Variants in TAF4B observed in about 807,000 individuals in gnomAD.
TAF4B encodes the protein TATA-box binding protein associated factor 4b.
In TAF4B, 38 loss-of-function variants were observed where a neutral mutation model predicts 86.4. That is an observed-to-expected ratio of 0.44 (90% confidence interval 0.34 to 0.58). The LOEUF (loss-of-function observed/expected upper bound fraction) is 0.58, where lower values mean the gene tolerates loss of function less well. Ranked by LOEUF, TAF4B falls within the 20% of genes least tolerant of loss-of-function variation. The pLI, the probability that TAF4B is intolerant of heterozygous loss-of-function variation, is 0.02. For synonymous variants in TAF4B, 388 were observed against 391.2 expected, an observed-to-expected ratio of 0.99 and a Z score of 0.10; for missense variants, 988 against 1,027.6, an observed-to-expected ratio of 0.96 and a Z score of 0.53.
chr18:26,378,836 T>G (rs2057459796), intron 14 of TAF4B, among the ~76,000 whole-genome samples: 1 of 152,194 alleles, frequency 6.6e-6, no homozygotes, highest in South Asian at 2.1e-4. Flanking sequence ...ATTTCACTCA[T>G]AATGTTTTTG....
chr18:26,292,658 G>A (rs1281006276), intron 8 of TAF4B, among the ~76,000 whole-genome samples: 1 of 152,134 alleles, frequency 6.6e-6, no homozygotes, highest in Non-Finnish European at 1.5e-5. Flanking sequence ...GAGTAGCTGG[G>A]ATTACAGGCG....
chr18:26,353,344 A>T (rs2057260032), intron 13 of TAF4B, among the ~76,000 whole-genome samples: 1 of 152,234 alleles, frequency 6.6e-6, no homozygotes. Flanking sequence ...AGTCTAAGAA[A>T]CACCATGTGA....
chr18:26,290,382 A>G (rs2056577535), intron 7 of TAF4B, among the ~76,000 whole-genome samples: 1 of 152,228 alleles, frequency 6.6e-6, no homozygotes, highest in South Asian at 2.1e-4. Flanking sequence ...CCTGGCCTCA[A>G]GCAGTCTTCC....
chr18:26,295,302 GA>G, intron 9 of TAF4B: 1 of 292,664 alleles, frequency 3.4e-6, no homozygotes, highest in South Asian at 3.1e-5. Flanking sequence ...AATTCCTCAG[GA>G]AAGGCTCACA....
rs1555677504 is a variant in TAF4B, at chr18:26,285,222, G to GTTTTTTTTGTTTTTTTTTTTTTTTTTTTT, written c.973-652_973-651insGTTTTTTTTTTTTTTTTTTTTTTTTTTTT. ...ATTTCTTCCTTTCCTTTTTTTTTTT[G>GTTTTTTTTGTTTTTTTTTTTTTTTTTTTT]TTTTTTTTTTTTTTGGAGATGGGGT... On this transcript the variant is annotated intron_variant, in intron 6 of 14. Coordinates refer to ENST00000269142, the MANE Select transcript of TAF4B (RefSeq NM_005640.3). Among the ~76,000 whole-genome samples, 8 of 45,660 alleles carry GTTTTTTTTGTTTTTTTTTTTTTTTTTTTT rather than the reference G, an allele frequency of 1.8e-4. 1 individual carries two copies. The highest frequency in any genetic ancestry group is 2.2e-4 in the Non-Finnish European group (5 of 22,272). 30.0% of individuals were successfully genotyped at this position (45,660 alleles called of 152,430 possible).
intron 12 of TAF4B, among the ~76,000 whole-genome samples, chr18:26,330,033 A>G (rs1010420995): frequency 1.3e-5 from 2 of 151,962 alleles, no homozygotes; most frequent in African/African-American, 4.8e-5. Flanking sequence ...TTCCCTTTGT[A>G]ATCAATTAGT....
chr18:26,273,676 T>C (rs2056348211), intron 3 of TAF4B, among the ~76,000 whole-genome samples: 1 of 152,208 alleles, frequency 6.6e-6, no homozygotes, highest in Admixed American at 6.5e-5. Flanking sequence ...ATTGTAAGTG[T>C]GAGCCACTGC....
intron 1 of TAF4B, among the ~76,000 whole-genome samples, chr18:26,256,613 G>A (rs1768158741): frequency 6.6e-6 from 1 of 151,882 alleles, no homozygotes; most frequent in Non-Finnish European, 1.5e-5. Context: ...AGTGATTTGA[G>A]ATATTTCTTC....
intron 14 of TAF4B, among the ~76,000 whole-genome samples, chr18:26,383,539 A>G (rs560681950): frequency 9.1e-4 from 139 of 152,342 alleles, no homozygotes; most frequent in African/African-American, 3.2e-3. Flanking sequence ...AATACATTCA[A>G]TTGGAAATCA....
chr18:26,276,476 A>G (rs2056386032), intron 5 of TAF4B, among the ~76,000 whole-genome samples: 1 of 152,230 alleles, frequency 6.6e-6, no homozygotes, highest in African/African-American at 2.4e-5. Flanking sequence ...TTTCACATAA[A>G]AATTATCCCT....
chr18:26,284,964 T>C (rs2056492333), intron 6 of TAF4B, among the ~76,000 whole-genome samples: 2 of 152,036 alleles, frequency 1.3e-5, no homozygotes, highest in Admixed American at 1.3e-4. Context: ...TTTCTTTATT[T>C]TTATTTAAAA....
intron 6 of TAF4B, among the ~76,000 whole-genome samples, chr18:26,282,813 AGTT>A (rs1047245877): frequency 3.9e-5 from 6 of 152,210 alleles, no homozygotes; most frequent in Admixed American, 2.0e-4. Flanking sequence ...TTTGTTAACT[AGTT>A]GTTGTCATAT....
intron 1 of TAF4B, among the ~76,000 whole-genome samples, chr18:26,238,432 C>G (rs903373517): frequency 6.6e-6 from 1 of 152,094 alleles, no homozygotes; most frequent in African/African-American, 2.4e-5. Flanking sequence ...GCCTGCTAGT[C>G]TGAGGAGGGA....
chr18:26,321,754 C>T (rs1268290988), intron 11 of TAF4B, among the ~76,000 whole-genome samples: 1 of 152,100 alleles, frequency 6.6e-6, no homozygotes, highest in Non-Finnish European at 1.5e-5. Flanking sequence ...ATAATCTACT[C>T]ATTTAGCAGA....
At chr18:26,234,737 G>A (rs187827358) in intron 1 of TAF4B, among the ~76,000 whole-genome samples, 2 of 152,250 alleles carry the variant, frequency 1.3e-5, no homozygotes, top group African/African-American at 4.8e-5. Flanking sequence ...ATGCTCGATT[G>A]GTTCTCCATC....
intron 13 of TAF4B, among the ~76,000 whole-genome samples, chr18:26,346,889 A>ATGTGTGTGTG (rs1402204315): frequency 6.5e-5 from 1 of 15,346 alleles, no homozygotes; most frequent in African/African-American, 1.6e-4. Flanking sequence ...ATATATATAT[A>ATGTGTGTGTG]TATATATATA....
intron 14 of TAF4B, among the ~76,000 whole-genome samples, chr18:26,374,728 T>C (rs2057431210): frequency 6.6e-6 from 1 of 152,180 alleles, no homozygotes. Context: ...AATACCGAGT[T>C]TACATGAAAA....
intron 3 of TAF4B, among the ~76,000 whole-genome samples, chr18:26,274,054 G>T (rs1279599451): frequency 1.3e-5 from 2 of 152,056 alleles, no homozygotes; most frequent in Non-Finnish European, 2.9e-5. Flanking sequence ...CTTGTATGAG[G>T]TTTTTGTCCT....
intron 12 of TAF4B, among the ~76,000 whole-genome samples, chr18:26,330,038 A>G (rs1233310080): frequency 1.3e-5 from 2 of 152,098 alleles, no homozygotes; most frequent in Non-Finnish European, 2.9e-5. Context: ...TTTGTAATCA[A>G]TTAGTTTTTC....
Sources: allele counts gnomAD v4.1 joint callset (sites outside exome capture counted in the v4.1 genomes callset), GRCh38; gene constraint gnomAD v4.1.1; transcripts MANE v1.5; gene names NCBI Gene and HGNC (gene_info 2026-07-23, HGNC 2026-07-21).